The following ELK4 variants were observed in gnomAD, a reference collection of about 807,000 sequenced individuals.
The protein encoded by ELK4 is ETS domain-containing protein Elk-4.
Under a neutral mutation model 29.6 loss-of-function variants are expected in ELK4, and 16 were observed. The ratio of observed to expected loss-of-function variants is 0.54; its 90% CI spans 0.37 to 0.82. ELK4 has a LOEUF of 0.82. Among genes scored for constraint, ELK4 ranks in the 40% least tolerant of loss-of-function variants. The pLI is 0.00. For synonymous variants in ELK4, 213 were observed against 191.1 expected (o/e 1.11, Z -0.95); for missense variants, 465 against 507.1 (o/e 0.92, Z 0.80).
At chr1:205,619,916 G>C in intron 3 of ELK4, 50 bp downstream of exon 3, 2 of 1,614,142 alleles carry the variant, frequency 1.2e-6, no homozygotes, top group Middle Eastern at 1.7e-4. Flanking sequence ...TTGCTTAAAA[G>C]GGCAAATAAA....
At chr1:205,625,366 G>GA (rs777294916) in intron 1 of ELK4, 33 of 381,972 alleles carry the variant, frequency 8.6e-5, no homozygotes, top group Non-Finnish European at 1.6e-4. Flanking sequence ...ATAAACACAC[G>GA]AAAAAATGCT....
rs148037437 is a variant in ELK4, at chr1:205,620,447, G to A, written c.599C>T (p.Pro200Leu). 25 of 1,614,058 alleles carry A rather than the reference G, an allele frequency of 1.5e-5. No individual in the cohort carries two copies. The African/African-American group carries it at 1.7e-4, about 11-fold the overall frequency. The change falls in exon 3 of 5, where the codon CCG (proline) becomes CTG (leucine). Residue 200 changes from proline to leucine, a missense_variant. Transcript: ENST00000357992. ...KFVTTPSKKPPVEPVAATISI... is the reference protein window; with the variant it reads ...KFVTTPSKKPLVEPVAATISI... ...AATGGTGGCAGCAACAGGTTCAACC[G>A]GTGGCTTTTTGGAAGGTGTCGTGAC...
chr1:205,630,843 TA>T (rs1268589276), intron 1 of ELK4, among the ~76,000 whole-genome samples: 2 of 152,066 alleles, frequency 1.3e-5, no homozygotes, highest in Non-Finnish European at 2.9e-5. Flanking sequence ...CCAGGGGGTG[TA>T]GGGGGTGGGA....
intron 4 of ELK4, among the ~76,000 whole-genome samples, chr1:205,618,170 A>G (rs1159511125): frequency 1.3e-5 from 2 of 152,036 alleles, no homozygotes; most frequent in Non-Finnish European, 2.9e-5. Flanking sequence ...TAGGGGCCAC[A>G]GGCACGTGCT....
intron 3 of ELK4, chr1:205,619,558 T>C: frequency 8.6e-7 from 1 of 1,167,194 alleles, no homozygotes; most frequent in Non-Finnish European, 1.1e-6. Flanking sequence ...AAAGTAACTG[T>C]ACCAACTTGT....
intron 3 of ELK4, chr1:205,619,521 A>G (rs1477923413): frequency 1.8e-6 from 2 of 1,108,054 alleles, no homozygotes; most frequent in African/African-American, 3.2e-5. Flanking sequence ...AAAATGTTCT[A>G]TGAGATGAGC....
chr1:205,618,468 A>T (rs1670273217), intron 4 of ELK4, among the ~76,000 whole-genome samples: 1 of 152,206 alleles, frequency 6.6e-6, no homozygotes, highest in Admixed American at 6.5e-5. Context: ...ACTTTGCTAT[A>T]TTTATTCAAG....
intron 1 of ELK4, among the ~76,000 whole-genome samples, chr1:205,628,912 G>A (rs1442998826): frequency 6.6e-6 from 1 of 151,484 alleles, no homozygotes; most frequent in Non-Finnish European, 1.5e-5. Flanking sequence ...AGTGGCTCAC[G>A]CCTATAATCC....
intron 3 of ELK4, chr1:205,619,618 T>C (rs1172227480): frequency 6.9e-6 from 9 of 1,302,366 alleles, no homozygotes; most frequent in Non-Finnish European, 8.7e-6. Flanking sequence ...GGACCTACTG[T>C]TTTCTAACTT....
Position 205,619,409 on chromosome 1 carries a change from A to T in ELK4, c.1081-336T>A, listed in dbSNP as rs556431843. The T allele has an allele frequency of 1.9e-5, 20 of 1,060,040 alleles. No individual in the cohort carries two copies. The East Asian group carries it at 9.9e-4, about 53-fold the overall frequency. The allele number at this position is 1,060,040 out of a possible 1,614,324, so 65.7% of individuals were successfully genotyped here. ...GCCAACATTTATAAAGTCTTTTCCA[A>T]ATAGAAAAACCAACCTGAATTCAGG... On this transcript the variant is annotated intron_variant, in intron 3 of 4. Transcript: ENST00000357992.
Position 205,620,771 on chromosome 1 carries a change from T to A in ELK4, c.275A>T (p.Asn92Ile), listed in dbSNP as rs776615952. ...CCTGCCCACTGTCATTGGATCCATGTTCAAAATCTCTGGATAAGAGACAAA... is the reference window on the plus strand; with the variant it reads ...CCTGCCCACTGTCATTGGATCCATGATCAAAATCTCTGGATAAGAGACAAA... ...YKFVSYPEILNMDPMTVGRIE... is the reference protein window; with the variant it reads ...YKFVSYPEILIMDPMTVGRIE... The change falls in exon 3 of 5, where the codon AAC becomes ATC. Residue 92 changes from asparagine (N) to isoleucine (I), a missense_variant. Asn to Ile is a moderately radical substitution (Grantham distance 149). Transcript: ENST00000357992. The A allele has an allele frequency of 3.1e-6, 5 of 1,614,122 alleles. No homozygotes were observed. Among genetic ancestry groups the A allele is most frequent in the Middle Eastern group, 1.6e-4 (1 of 6,062 alleles).
At position 205,631,729 on chromosome 1, in the gene ELK4, G is replaced by A. The variant is rs1278981880; in HGVS notation, c.-107C>T. The A allele has an allele frequency of 3.2e-6, 1 of 311,546 alleles. No homozygotes were observed. The highest frequency in any genetic ancestry group is 6.7e-6 in the Non-Finnish European group (1 of 148,376). The allele number at this position is 311,546 out of a possible 1,614,324, so 19.3% of individuals were successfully genotyped here. On this transcript the variant is annotated 5_prime_UTR_variant, in exon 1 of 5. Coordinates refer to ENST00000357992, the MANE Select transcript of ELK4 (RefSeq NM_001973.4). ...CTCACGCTGGAAACTCGAGGACGGC[G>A]CGGCAGCCGCTGCGACCCCCGCGGC... is the stretch of plus-strand genomic sequence containing the variant.
chr1:205,619,713 G>A lies in ELK4; in HGVS notation c.1080+253C>T, dbSNP rs77137072. The A allele has an allele frequency of 2.1e-3, 3,009 of 1,438,544 alleles. 48 individuals carry two copies. In the African/African-American group the frequency reaches 0.038, roughly 18 times the overall value. 89.1% of individuals were successfully genotyped at this position (1,438,544 alleles called of 1,614,324 possible). A position where few individuals can be genotyped will look rare whatever the true frequency, so the allele number is the denominator to read the frequency against. ...GAGAGAGTGTGTGTACTTTCTTTAG[G>A]AGGAAATAGAAAAATCAAAATATTT... is the stretch of plus-strand genomic sequence containing the variant. On this transcript the variant is annotated intron_variant, in intron 3 of 4. Coordinates refer to ENST00000357992, the MANE Select transcript of ELK4 (RefSeq NM_001973.4).
rs1215632865 is a variant in ELK4, at chr1:205,613,554, C to T, written c.*2992G>A. On this transcript the variant is annotated 3_prime_UTR_variant, in exon 5 of 5. Coordinates refer to ENST00000357992, the MANE Select transcript of ELK4 (RefSeq NM_001973.4). ...CTCTAAGGTGGTAGCTTGAAATCAG[C>T]CACAGGAGGAGTAACTAATTTATAT... The T allele has an allele frequency of 1.1e-5, 2 of 181,424 alleles. No homozygotes were observed. The highest frequency in any genetic ancestry group is 2.3e-5 in the Non-Finnish European group (2 of 85,226). 11.2% of individuals were successfully genotyped at this position (181,424 alleles called of 1,614,324 possible).
At chr1:205,623,938 CT>C in intron 1 of ELK4, 47 bp from the exon 2 acceptor site, 1 of 1,519,940 alleles carries the variant, frequency 6.6e-7, no homozygotes, top group Middle Eastern at 1.7e-4. Flanking sequence ...CAGCCAACAC[CT>C]ATTTAACACT....
rs991015497 is a variant in ELK4, at chr1:205,612,216, T to C, written c.*4330A>G. Reference sequence around the variant, plus strand: ...TTCAAAAGTTGACAATAAGCTCTCCTGAAAAACTCCAAATCTCTAGGATTT... The same window carrying C: ...TTCAAAAGTTGACAATAAGCTCTCCCGAAAAACTCCAAATCTCTAGGATTT... On this transcript the variant is annotated 3_prime_UTR_variant, in exon 5 of 5. Coordinates refer to ENST00000357992, the MANE Select transcript of ELK4 (RefSeq NM_001973.4). 11 of 203,496 alleles carry C rather than the reference T, an allele frequency of 5.4e-5. No homozygotes were observed. Among genetic ancestry groups the C allele is most frequent in the African/African-American group, 1.6e-4 (7 of 43,842 alleles). The allele number at this position is 203,496 out of a possible 1,614,324, so 12.6% of individuals were successfully genotyped here. A position where few individuals can be genotyped will look rare whatever the true frequency, so the allele number is the denominator to read the frequency against.
intron 1 of ELK4, among the ~76,000 whole-genome samples, chr1:205,624,434 T>G (rs1202853851): frequency 6.6e-6 from 1 of 152,146 alleles, no homozygotes; most frequent in Non-Finnish European, 1.5e-5. Flanking sequence ...AATAATCTAC[T>G]TTTGCTCCAA....
At position 205,616,608 on chromosome 1, in the gene ELK4, G is replaced by A; in HGVS notation, c.1234C>T (p.Leu412=). ...SVLNSHGPFT[L]SGLDGPSTPG... is the part of the protein sequence containing the mutation. The stretch of plus-strand genomic sequence containing the variant: ...GTGGAAGGTCCATCCAGCCCAGACA[G>A]AGTGAATGGCCCATGACTGTTCAGT... The change falls in exon 5 of 5, where the codon CTG becomes TTG. Residue 412 remains leucine (L), a synonymous_variant. Transcript: ENST00000357992. 6.2e-7 allele frequency: 1 copy of A among 1,614,204 alleles called. No individual in the cohort carries two copies.
intron 3 of ELK4, chr1:205,619,666 T>G: frequency 7.3e-7 from 1 of 1,367,896 alleles, no homozygotes; most frequent in South Asian, 2.0e-5. Context: ...CACCAACGAG[T>G]TTTATAAGAC....
Sources: allele counts gnomAD v4.1 joint callset (sites outside exome capture counted in the v4.1 genomes callset), GRCh38; gene constraint gnomAD v4.1.1; transcripts MANE v1.5; gene names NCBI Gene and HGNC (gene_info 2026-07-23, HGNC 2026-07-21).